WNK3: variants seen among roughly 807,000 people sequenced by gnomAD.
The protein encoded by WNK3 is serine/threonine-protein kinase WNK3.
A neutral mutation model predicts 116.7 loss-of-function variants in WNK3; 18 were observed. That is an observed-to-expected ratio of 0.15 (90% CI 0.11 to 0.23). The LOEUF (loss-of-function observed/expected upper bound fraction) is 0.23, where lower values mean the gene tolerates loss of function less well. Among genes scored for constraint, WNK3 ranks in the 10% least tolerant of loss-of-function variants. The probability of loss-of-function intolerance (pLI) is 1.00; values close to 1 mark genes in which losing one functional copy is unlikely to be tolerated. For synonymous variants in WNK3, 404 were observed against 469.4 expected (o/e 0.86, Z 1.80); for missense variants, 993 against 1,323.8 (o/e 0.75, Z 3.88).
chrX:54,217,077 T>C (rs2146772480), intron 22 of WNK3, among the ~76,000 whole-genome samples: 1 of 109,821 alleles, frequency 9.1e-6, no homozygotes, highest in African/African-American at 3.3e-5. Context: ...CCCAACACTT[T>C]GGGAGGCCAA....
intron 1 of WNK3, among the ~76,000 whole-genome samples, chrX:54,345,274 CTAT>C (rs1557177343): frequency 6.5e-5 from 4 of 61,951 alleles, no homozygotes; most frequent in African/African-American, 2.2e-4. Context: ...ACAACAACAA[CTAT>C]ATATATATGT....
chrX:54,270,629 G>A (rs782148795), intron 10 of WNK3, among the ~76,000 whole-genome samples: 11 of 108,009 alleles, frequency 1.0e-4, no homozygotes, highest in Non-Finnish European at 1.9e-4. Context: ...GGTTTGTTAC[G>A]TAGGTATACA....
chrX:54,309,330 A>G lies in WNK3; in HGVS notation c.711-15T>C. ...GTTTTAAGTACCTATACAAAGAAAC[A>G]AAAGACCATGTGTAAACAAACATAT... On this transcript the variant is annotated splice_polypyrimidine_tract_variant and intron_variant, in intron 3 of 23. Coordinates refer to ENST00000354646, the Ensembl canonical transcript of WNK3. 8.8e-7 allele frequency: 1 copy of G among 1,141,936 alleles called. No homozygotes were observed. The highest frequency in any genetic ancestry group is 1.8e-5 in the African/African-American group (1 of 56,392). The allele number at this position is 1,141,936 out of a possible 1,213,427, so 94.1% of individuals were successfully genotyped here. A position where few individuals can be genotyped will look rare whatever the true frequency, so the allele number is the denominator to read the frequency against.
At chrX:54,194,399 T>C (rs1557139629) in exon 24 of WNK3, 1 of 112,381 alleles carries the variant, frequency 8.9e-6, no homozygotes, top group Non-Finnish European at 1.9e-5. Context: ...TTCGCTGTGG[T>C]AGTTAAAGCA....
chrX:54,235,348 C>CAA (rs1569536196), intron 20 of WNK3, among the ~76,000 whole-genome samples: 16 of 111,939 alleles, frequency 1.4e-4, no homozygotes, highest in Middle Eastern at 4.7e-3. Context: ...TGCAGTGGTG[C>CAA]GATCTCGACT....
At chrX:54,211,751 T>C (rs2067617007) in intron 22 of WNK3, among the ~76,000 whole-genome samples, 1 of 109,848 alleles carries the variant, frequency 9.1e-6, no homozygotes, top group Admixed American at 9.8e-5. Context: ...GAGGTAGCAG[T>C]GAGCCAAGAT....
exon 24 of WNK3, chrX:54,198,653 T>C (rs782605253): frequency 1.7e-6 from 2 of 1,154,483 alleles, no homozygotes; most frequent in South Asian, 4.2e-5. Flanking sequence ...GACGGAGTAT[T>C]CTAAGAAAAA....
chrX:54,193,895 A>G (rs1044652093), exon 24 of WNK3: 6 of 110,744 alleles, frequency 5.4e-5, no homozygotes, highest in African/African-American at 2.0e-4. Context: ...GGAGGGGGGG[A>G]ACAAGTCCTT....
chrX:54,334,889 A>G (rs1388228231), intron 1 of WNK3, among the ~76,000 whole-genome samples: 3 of 112,091 alleles, frequency 2.7e-5, no homozygotes, highest in Non-Finnish European at 5.6e-5. Flanking sequence ...TCATTCTAGC[A>G]CTTATGGAAA....
At chrX:54,287,874 C>T (rs1428032698) in intron 10 of WNK3, among the ~76,000 whole-genome samples, 1 of 111,960 alleles carries the variant, frequency 8.9e-6, no homozygotes, top group African/African-American at 3.2e-5. Context: ...TTTTCCCCCA[C>T]GAGGATTTAC....
At chrX:54,340,518 G>A (rs1252438410) in intron 1 of WNK3, among the ~76,000 whole-genome samples, 3 of 110,657 alleles carry the variant, frequency 2.7e-5, no homozygotes, top group Admixed American at 1.9e-4. Context: ...GGCTGAGGCA[G>A]GAGAATCGCT....
chrX:54,246,846 G>A (rs1269320938), intron 17 of WNK3, among the ~76,000 whole-genome samples: 1 of 111,837 alleles, frequency 8.9e-6, no homozygotes, highest in African/African-American at 3.2e-5. Flanking sequence ...ACATTTCCAC[G>A]TTGTAAAAAG....
intron 13 of WNK3, among the ~76,000 whole-genome samples, chrX:54,252,480 G>A (rs1015358877): frequency 9.0e-5 from 10 of 110,748 alleles, no homozygotes; most frequent in African/African-American, 3.3e-4. Context: ...GACCAGCCTG[G>A]TCAACATGGC....
At chrX:54,249,832 T>C in intron 16 of WNK3, among the ~76,000 whole-genome samples, 162 bp downstream of exon 16, 1 of 111,870 alleles carries the variant, frequency 8.9e-6, no homozygotes, top group South Asian at 3.7e-4. Context: ...AAATATTAAA[T>C]AGGAAATGGC....
At chrX:54,212,083 G>A (rs951821565) in intron 22 of WNK3, among the ~76,000 whole-genome samples, 5 of 110,611 alleles carry the variant, frequency 4.5e-5, no homozygotes, top group Admixed American at 9.7e-5. Context: ...AAAATTAGCC[G>A]AGCATGGTGG....
chrX:54,255,960 A>T, intron 11 of WNK3, 73 bp from the exon 12 acceptor site: 2 of 890,006 alleles, frequency 2.2e-6, no homozygotes, highest in Admixed American at 3.1e-5. Context: ...CCCAATTATA[A>T]AACTATAAAT....
At chrX:54,292,682 G>A (rs1456647071) in intron 10 of WNK3, among the ~76,000 whole-genome samples, 1 of 98,918 alleles carries the variant, frequency 1.0e-5, no homozygotes, top group Non-Finnish European at 2.0e-5. Flanking sequence ...CTCCAGCCTG[G>A]GCAGCAAGAG....
chrX:54,336,165 T>C (rs986401348), intron 1 of WNK3, among the ~76,000 whole-genome samples: 1 of 111,062 alleles, frequency 9.0e-6, no homozygotes, highest in African/African-American at 3.3e-5. Flanking sequence ...GGCAGGTGCC[T>C]GTAGTCCCAG....
At chrX:54,334,903 C>A (rs782594677) in intron 1 of WNK3, among the ~76,000 whole-genome samples, 1 of 111,750 alleles carries the variant, frequency 8.9e-6, no homozygotes, top group South Asian at 3.7e-4. Flanking sequence ...ATGGAAAAAA[C>A]TAAACATAAG....
Sources: allele counts gnomAD v4.1 joint callset (sites outside exome capture counted in the v4.1 genomes callset), GRCh38; gene constraint gnomAD v4.1.1; transcripts MANE v1.5; gene names NCBI Gene and HGNC (gene_info 2026-07-23, HGNC 2026-07-21).